The following DTNA variants were observed in gnomAD, a reference collection of about 807,000 sequenced individuals.
DTNA encodes the protein dystrophin-related protein 3.
In DTNA, 43 loss-of-function variants were observed where a neutral mutation model predicts 100.7. The ratio of observed to expected loss-of-function variants is 0.43; its 90% CI spans 0.33 to 0.55. The LOEUF is 0.55. Among genes scored for constraint, DTNA ranks in the 20% least tolerant of loss-of-function variants. DTNA has a pLI of 0.04. For synonymous variants in DTNA, 349 were observed against 347.9 expected (o/e 1.00, Z -0.04); for missense variants, 798 against 953.9 (o/e 0.84, Z 2.15).
chr18:34,572,924 C>G (rs16965474), intron 1 of DTNA, among the ~76,000 whole-genome samples: 1 of 152,122 alleles, frequency 6.6e-6, no homozygotes, highest in African/African-American at 2.4e-5. Flanking sequence ...TGTACTTTCA[C>G]TTATTAATCC....
chr18:34,517,460 C>CATGTGTGTGTGTGTGTGT lies in DTNA; in HGVS notation c.-2+23946_-2+23947insATGTGTGTGTGTGTGTGT, dbSNP rs57616989. On this transcript the variant is annotated intron_variant, in intron 1 of 19. Coordinates refer to the DTNA transcript ENST00000283365. ...TCAGATTTAATAAGTTTTATATACA[C>CATGTGTGTGTGTGTGTGT]GTGTGTGTGTGTGTGTGTGTGTGTG... Among the ~76,000 whole-genome samples, 355 of 148,992 alleles carry CATGTGTGTGTGTGTGTGT rather than the reference C, an allele frequency of 2.4e-3. 4 individuals carry two copies. Among genetic ancestry groups the CATGTGTGTGTGTGTGTGT allele is most frequent in the East Asian group, 0.01 (51 of 5,070 alleles).
intron 3 of DTNA, among the ~76,000 whole-genome samples, chr18:34,773,877 A>T (rs1220595753): frequency 6.6e-6 from 1 of 152,198 alleles, no homozygotes; most frequent in East Asian, 1.9e-4. Context: ...AATGGTTTTT[A>T]AGATCTTAAA....
chr18:34,545,128 T>C (rs1407622157), intron 1 of DTNA, among the ~76,000 whole-genome samples: 1 of 151,960 alleles, frequency 6.6e-6, no homozygotes, highest in African/African-American at 2.4e-5. Flanking sequence ...AATTTAGAGC[T>C]TGTGGGGGCT....
upstream of DTNA, among the ~76,000 whole-genome samples, chr18:34,705,714 G>T (rs2082030580): frequency 6.6e-6 from 1 of 151,980 alleles, no homozygotes; most frequent in African/African-American, 2.4e-5. Flanking sequence ...CTATTCTAAG[G>T]AAATAACCCA....
intron 21 of DTNA, among the ~76,000 whole-genome samples, chr18:34,883,223 C>A (rs1276938036): frequency 2.0e-5 from 3 of 152,148 alleles, no homozygotes; most frequent in Non-Finnish European, 2.9e-5. Flanking sequence ...CCTGGTTGAA[C>A]CTGGGCCTCA....
At chr18:34,840,633 G>A (rs1023402286) in intron 13 of DTNA, among the ~76,000 whole-genome samples, 2 of 152,086 alleles carry the variant, frequency 1.3e-5, no homozygotes, top group Admixed American at 6.6e-5. Context: ...TTGACTTGAT[G>A]GTTACTTAAG....
chr18:34,535,809 A>G (rs1469098665), intron 1 of DTNA, among the ~76,000 whole-genome samples: 1 of 151,882 alleles, frequency 6.6e-6, no homozygotes, highest in Non-Finnish European at 1.5e-5. Context: ...TTGTGGAGAC[A>G]TCAGGCATTT....
intron 13 of DTNA, among the ~76,000 whole-genome samples, chr18:34,842,530 C>T (rs2096287671): frequency 6.6e-6 from 1 of 152,068 alleles, no homozygotes; most frequent in Non-Finnish European, 1.5e-5. Context: ...TAGCCCTTGC[C>T]TACTCCTTTC....
chr18:34,634,335 T>A (rs1372490108), intron 1 of DTNA, among the ~76,000 whole-genome samples: 1 of 152,074 alleles, frequency 6.6e-6, no homozygotes, highest in Non-Finnish European at 1.5e-5. Flanking sequence ...GAAATTAAAA[T>A]TAAGAAATTT....
chr18:34,746,108 G>A (rs1193825990), intron 1 of DTNA, among the ~76,000 whole-genome samples: 1 of 151,376 alleles, frequency 6.6e-6, no homozygotes, highest in Non-Finnish European at 1.5e-5. Context: ...ACTTTGATAA[G>A]AGGAGTTCAA....
intron 1 of DTNA, among the ~76,000 whole-genome samples, chr18:34,631,096 G>A (rs1004302718): frequency 2.0e-5 from 3 of 152,248 alleles, no homozygotes; most frequent in South Asian, 4.2e-4. Flanking sequence ...TATATTGAGT[G>A]CTTATTATTA....
At chr18:34,619,791 G>A (rs1232236681) in intron 1 of DTNA, among the ~76,000 whole-genome samples, 1 of 152,128 alleles carries the variant, frequency 6.6e-6, no homozygotes, top group Non-Finnish European at 1.5e-5. Flanking sequence ...CTGGTGTAGA[G>A]ATACTGATTT....
chr18:34,803,060 G>A (rs906451002), intron 4 of DTNA, among the ~76,000 whole-genome samples: 4 of 152,116 alleles, frequency 2.6e-5, no homozygotes, highest in African/African-American at 4.8e-5. Flanking sequence ...TCCTCAAACC[G>A]CATAAATATT....
At chr18:34,613,381 T>C (rs562469657) in intron 1 of DTNA, among the ~76,000 whole-genome samples, 1 of 152,336 alleles carries the variant, frequency 6.6e-6, no homozygotes, top group African/African-American at 2.4e-5. Context: ...AAGGATCCTG[T>C]GTCTCTCACT....
rs148697073 is a variant in DTNA at position 34,611,685 on chromosome 18, G to A, written c.-2+118171G>A. ...AACTAAACTAAACCATGTGGGCTCA[G>A]GAGTCAGGAATCAGAGTTTCTTGGT... is the stretch of plus-strand genomic sequence containing the variant. On this transcript the variant is annotated intron_variant, in intron 1 of 19. Coordinates refer to the DTNA transcript ENST00000283365. 5.0e-3 allele frequency among the ~76,000 whole-genome samples: 758 copies of A among 152,308 alleles called. 6 individuals are homozygous for A. Among genetic ancestry groups the A allele is most frequent in the African/African-American group, 0.017 (708 of 41,562 alleles).
chr18:34,829,526 T>A, intron 11 of DTNA, 37 bp downstream of exon 11: 1 of 1,479,500 alleles, frequency 6.8e-7, no homozygotes, highest in African/African-American at 1.4e-5. Flanking sequence ...ATCGTAGTAG[T>A]AGTTCCATAG....
chr18:34,837,323 T>C (rs1188805147), intron 11 of DTNA, among the ~76,000 whole-genome samples: 1 of 152,178 alleles, frequency 6.6e-6, no homozygotes, highest in Non-Finnish European at 1.5e-5. Context: ...TCACAGTAGA[T>C]TTTGGATGAC....
rs200775989 is a variant in DTNA, at chr18:34,552,624, A to G, written c.-2+59110A>G. Among the ~76,000 whole-genome samples, 37 of 149,066 alleles carry G rather than the reference A, an allele frequency of 2.5e-4. No individual in the cohort carries two copies. In the South Asian group the frequency reaches 3.2e-3, roughly 13 times the overall value. ...ATTCCCACCTATGGTGAGAATATGC[A>G]GTGTTTGGTTTTTTGTTCTTGCGAT... On this transcript the variant is annotated intron_variant, in intron 1 of 19. Coordinates refer to the DTNA transcript ENST00000283365.
In DTNA at chr18:34,879,404, G is replaced by C. The variant is rs2096850394; in HGVS notation, c.1994-147G>C. 5.0e-6 allele frequency: 4 copies of C among 794,030 alleles called. No individual in the cohort carries two copies. In the Admixed American group the frequency reaches 1.0e-4, roughly 21 times the overall value. 49.2% of individuals were successfully genotyped at this position (794,030 alleles called of 1,614,324 possible). ...TCATGTCAATATCAATTCTTATTTT[G>C]AAACAATAAAAATGTATTTGATTAA... is the stretch of plus-strand genomic sequence containing the variant. On this transcript the variant is annotated intron_variant, in intron 19 of 22. Transcript: ENST00000444659.
Sources: gnomAD v4.1 joint callset for allele counts (sites outside exome capture counted in the v4.1 genomes callset) on GRCh38, gnomAD v4.1.1 for gene constraint, MANE v1.5 for transcripts, NCBI Gene and HGNC (gene_info 2026-07-23, HGNC 2026-07-21) for gene names.